Variants in NEDD9 observed in about 807,000 individuals in gnomAD.
NEDD9 encodes the protein neural precursor cell expressed, developmentally down-regulated 9, also known as enhancer of filamentation 1.
In NEDD9, 26 loss-of-function variants were observed where a neutral mutation model predicts 76.6. That is an observed-to-expected ratio of 0.34 (90% CI 0.25 to 0.47). The LOEUF is 0.47. Among genes scored for constraint, NEDD9 ranks in the 20% least tolerant of loss-of-function variants. The pLI, the probability that NEDD9 is intolerant of heterozygous loss-of-function variation, is 1.00. For missense variants in NEDD9, 937 were observed against 1,058.5 expected (o/e 0.89, Z 1.59); for synonymous variants, 392 against 414.2 (o/e 0.95, Z 0.65).
chr6:11,236,700 T>C (rs1490478873), upstream of NEDD9, among the ~76,000 whole-genome samples: 1 of 152,242 alleles, frequency 6.6e-6, no homozygotes, highest in Non-Finnish European at 1.5e-5. This position sits in a 1 kb window ranked among gnomAD's most constrained non-coding sequence, Gnocchi z 5.5. Context: ...TCTATTCTAA[T>C]GATTTCTTTT....
intron 3 of NEDD9, among the ~76,000 whole-genome samples, chr6:11,270,611 A>G (rs1354785419): frequency 6.6e-6 from 1 of 152,196 alleles, no homozygotes; most frequent in Non-Finnish European, 1.5e-5. Flanking sequence ...ACTAATAGCA[A>G]CATCCCCAGC....
chr6:11,376,045 C>T (rs1436305473), intron 1 of NEDD9, among the ~76,000 whole-genome samples: 5 of 152,152 alleles, frequency 3.3e-5, no homozygotes, highest in Non-Finnish European at 5.9e-5. Context: ...AGGGTGGTCT[C>T]GATCTCCTGA....
chr6:11,219,189 T>TCCTC (rs1434231403), intron 1 of NEDD9, among the ~76,000 whole-genome samples: 1 of 152,066 alleles, frequency 6.6e-6, no homozygotes, highest in Non-Finnish European at 1.5e-5. Context: ...CACCTCCAAC[T>TCCTC]CCTCCCTGCC....
intron 2 of NEDD9, among the ~76,000 whole-genome samples, chr6:11,204,907 A>G (rs1048852971): frequency 6.6e-6 from 1 of 152,064 alleles, no homozygotes; most frequent in African/African-American, 2.4e-5. Flanking sequence ...GGTGGGGGGA[A>G]CTTCCAAGCT....
At chr6:11,328,055 T>C (rs1411932726) in intron 2 of NEDD9, among the ~76,000 whole-genome samples, 1 of 152,144 alleles carries the variant, frequency 6.6e-6, no homozygotes, top group Non-Finnish European at 1.5e-5. Context: ...GTGAAATAAA[T>C]AAAGAACAGG....
intron 3 of NEDD9, among the ~76,000 whole-genome samples, chr6:11,250,367 A>C (rs939701037): frequency 6.6e-6 from 1 of 152,064 alleles, no homozygotes; most frequent in African/African-American, 2.4e-5. Context: ...TGGAATCCCC[A>C]TGTCACCCTC....
chr6:11,319,772 ACTCACG>A (rs1761739830), intron 2 of NEDD9, among the ~76,000 whole-genome samples: 1 of 147,276 alleles, frequency 6.8e-6, no homozygotes, highest in Non-Finnish European at 1.5e-5. Flanking sequence ...TAACATGCAC[ACTCACG>A]CACACTAACA....
intron 3 of NEDD9, among the ~76,000 whole-genome samples, chr6:11,265,289 T>G (rs1203897791): frequency 6.6e-6 from 1 of 152,190 alleles, no homozygotes; most frequent in Non-Finnish European, 1.5e-5. Context: ...CAAGGAGAGA[T>G]AAGTGGAAAA....
chr6:11,233,213 C>CT (rs1165804061), upstream of NEDD9: 43 of 518,678 alleles, frequency 8.3e-5, no homozygotes, highest in Admixed American at 1.7e-4. Context: ...TGACTGTTTG[C>CT]TTTTTTTGTT....
rs141158198 is a variant in NEDD9, at chr6:11,345,321, C to G, written c.-213-10760G>C. On this transcript the variant is annotated intron_variant, in intron 1 of 3. Transcript: ENST00000397378. ...ACTGAGTGACAAGGAACTGTGACAT[C>G]TGTGACTTATTTTGACAGTGTCTTG... is the stretch of plus-strand genomic sequence containing the variant. Among the ~76,000 whole-genome samples, 17 of 152,300 alleles carry G rather than the reference C, an allele frequency of 1.1e-4. No individual in the cohort carries two copies. The East Asian group carries it at 3.1e-3, about 28-fold the overall frequency.
intron 1 of NEDD9, 131 bp downstream of exon 1, chr6:11,232,373 G>A (rs551722740): frequency 7.0e-6 from 8 of 1,141,882 alleles, no homozygotes; most frequent in East Asian, 4.8e-5. Context: ...GTCAACCTCA[G>A]TGACCGAGAC....
At chr6:11,194,961 C>T (rs997046631) in intron 2 of NEDD9, among the ~76,000 whole-genome samples, 8 of 152,204 alleles carry the variant, frequency 5.3e-5, no homozygotes, top group African/African-American at 1.9e-4. Flanking sequence ...CCATCTCAAG[C>T]GTTGCCCACG....
chr6:11,254,081 T>C (rs1759960069), intron 3 of NEDD9, among the ~76,000 whole-genome samples: 2 of 152,220 alleles, frequency 1.3e-5, no homozygotes, highest in African/African-American at 4.8e-5. Flanking sequence ...ATTTGGGTTA[T>C]ATTTGTGCAA....
chr6:11,234,373 G>GA (rs1581975595), upstream of NEDD9, among the ~76,000 whole-genome samples: 1 of 152,320 alleles, frequency 6.6e-6, no homozygotes, highest in East Asian at 1.9e-4. Flanking sequence ...GCCTCCAAGA[G>GA]ATCTAGATAA....
At chr6:11,246,016 C>T (rs926365335) in intron 3 of NEDD9, among the ~76,000 whole-genome samples, 3 of 151,896 alleles carry the variant, frequency 2.0e-5, no homozygotes, top group Admixed American at 2.0e-4. Context: ...TTCACTATGC[C>T]AAACCACTTC....
At chr6:11,279,627 A>G (rs1456272334) in intron 3 of NEDD9, among the ~76,000 whole-genome samples, 1 of 152,138 alleles carries the variant, frequency 6.6e-6, no homozygotes, top group African/African-American at 2.4e-5. Flanking sequence ...TCTTGTTTAC[A>G]TGCTTGCCTG....
intron 3 of NEDD9, chr6:11,271,961 A>G (rs540398632): frequency 6.6e-6 from 1 of 152,352 alleles, no homozygotes; most frequent in East Asian, 1.9e-4. Context: ...GCAACAAGAC[A>G]CATCCCTTCT....
intron 3 of NEDD9, among the ~76,000 whole-genome samples, chr6:11,266,526 GATCCTATTTTA>G (rs1407481191): frequency 1.3e-5 from 2 of 152,162 alleles, no homozygotes; most frequent in African/African-American, 2.4e-5. Context: ...CCTGGAAGCA[GATCCTATTTTA>G]GCAACGAAAG....
At position 11,213,788 on chromosome 6, in the gene NEDD9, T is replaced by C; in HGVS notation, c.13-61A>G. 6.8e-7 allele frequency: 1 copy of C among 1,473,996 alleles called. No individual in the cohort carries two copies. Among genetic ancestry groups the C allele is most frequent in the African/African-American group, 1.4e-5 (1 of 71,868 alleles). The allele number at this position is 1,473,996 out of a possible 1,614,324, so 91.3% of individuals were successfully genotyped here. On this transcript the variant is annotated intron_variant, in intron 1 of 6. Transcript: ENST00000379446. The surrounding 1 kb of genome is among the most constrained non-coding windows in gnomAD (Gnocchi z 5.4). ...ATATTGGGTCGGTCCCTTTATCACCTAAGGCCCGTGCTCTTATGGAAAGGC... is the reference window on the plus strand; with the variant it reads ...ATATTGGGTCGGTCCCTTTATCACCCAAGGCCCGTGCTCTTATGGAAAGGC...
Sources: gnomAD v4.1 joint callset for allele counts (sites outside exome capture counted in the v4.1 genomes callset) on GRCh38, gnomAD v4.1.1 for gene constraint, Gnocchi (gnomAD v3.1) non-coding constraint, MANE v1.5 for transcripts, NCBI Gene and HGNC (gene_info 2026-07-23, HGNC 2026-07-21) for gene names.